The following TBC1D9 variants were observed in gnomAD, a reference collection of about 807,000 sequenced individuals.
TBC1D9 encodes the protein TBC1 domain family member 9.
In TBC1D9, 63 loss-of-function variants were observed where a neutral mutation model predicts 132.0. The observed-to-expected ratio is 0.48, with a 90% CI of 0.39 to 0.59. TBC1D9 has a LOEUF of 0.59. TBC1D9 is among the 20% of genes least tolerant of loss of function. The pLI, the probability that TBC1D9 is intolerant of heterozygous loss-of-function variation, is 0.00. For missense variants in TBC1D9, 1,261 were observed against 1,592.7 expected, an observed-to-expected ratio of 0.79 and a Z score of 3.54; for synonymous variants, 610 against 609.9, an observed-to-expected ratio of 1.00 and a Z score of 0.00.
chr4:140,738,357 A>AC (rs1461914368), intron 1 of TBC1D9, among the ~76,000 whole-genome samples: 6 of 151,492 alleles, frequency 4.0e-5, no homozygotes, highest in South Asian at 4.2e-4. Context: ...TGCATAATTG[A>AC]CCCCCCCTTT....
intron 16 of TBC1D9, among the ~76,000 whole-genome samples, chr4:140,632,019 C>T (rs1736802548): frequency 1.3e-5 from 2 of 152,184 alleles, no homozygotes; most frequent in Non-Finnish European, 2.9e-5. Context: ...AGAGTTCTCC[C>T]ACTAATCTGG....
intron 1 of TBC1D9, among the ~76,000 whole-genome samples, chr4:140,746,341 T>C (rs1161514612): frequency 6.6e-6 from 1 of 152,212 alleles, no homozygotes; most frequent in Non-Finnish European, 1.5e-5. Flanking sequence ...TACGTTCTAA[T>C]TCACCTGAGA....
intron 3 of TBC1D9, among the ~76,000 whole-genome samples, chr4:140,684,402 T>G (rs965132045): frequency 6.6e-6 from 1 of 152,290 alleles, no homozygotes; most frequent in East Asian, 1.9e-4. Context: ...GTTCCCTTGA[T>G]TATTGGACAA....
intron 1 of TBC1D9, among the ~76,000 whole-genome samples, chr4:140,717,412 C>T (rs1481024026): frequency 1.3e-5 from 2 of 152,220 alleles, no homozygotes; most frequent in Admixed American, 1.3e-4. Flanking sequence ...ATAACTATGA[C>T]ATAAATGATT....
intron 13 of TBC1D9, chr4:140,642,586 G>A: frequency 2.2e-6 from 2 of 924,156 alleles, no homozygotes; most frequent in Admixed American, 2.1e-5. Flanking sequence ...GCTCCTGGTC[G>A]CTGTCCATCT....
At chr4:140,709,115 C>CT (rs1738190397) in intron 1 of TBC1D9, among the ~76,000 whole-genome samples, 1 of 151,924 alleles carries the variant, frequency 6.6e-6, no homozygotes, top group Admixed American at 6.6e-5. Flanking sequence ...CAACTCTTTC[C>CT]TCTCAATTTC....
chr4:140,724,171 T>G (rs886878917), intron 1 of TBC1D9, among the ~76,000 whole-genome samples: 1 of 152,228 alleles, frequency 6.6e-6, no homozygotes, highest in African/African-American at 2.4e-5. Context: ...CAGGCCTGAT[T>G]AATGCAAGGC....
At position 140,622,668 on chromosome 4, in the gene TBC1D9, C is replaced by G. The variant is rs1736637185; in HGVS notation, c.3328G>C (p.Val1110Leu). ...GPGQPYVVES[V>L]EPLPASLAPD... is the part of the protein sequence containing the mutation. ...GCCAGGCTGGCCGGCAGGGGCTCAACAGACTCCACCACGTAAGGCTGGCCT... is the reference window on the plus strand; with the variant it reads ...GCCAGGCTGGCCGGCAGGGGCTCAAGAGACTCCACCACGTAAGGCTGGCCT... The change falls in exon 21 of 21, where the codon GTT (valine) becomes CTT (leucine). Residue 1110 changes from valine to leucine, a missense_variant. By Grantham distance (32) the Val-to-Leu change is conservative (BLOSUM62 1). Transcript: ENST00000442267. 1 of 1,610,370 alleles carries G rather than the reference C, an allele frequency of 6.2e-7. No individual in the cohort carries two copies. Among genetic ancestry groups the G allele is most frequent in the Non-Finnish European group, 8.5e-7 (1 of 1,178,200 alleles).
chr4:140,737,597 T>C (rs900958893), intron 1 of TBC1D9, among the ~76,000 whole-genome samples: 1 of 152,106 alleles, frequency 6.6e-6, no homozygotes, highest in Admixed American at 6.6e-5. Context: ...AGCACTAACA[T>C]GTTTATCATT....
intron 3 of TBC1D9, among the ~76,000 whole-genome samples, chr4:140,682,540 T>C (rs1298281029): frequency 6.6e-6 from 1 of 152,208 alleles, no homozygotes; most frequent in Non-Finnish European, 1.5e-5. Context: ...ACCTGTGGCC[T>C]ATGTGACATT....
At chr4:140,666,209 C>T (rs1737441440) in intron 9 of TBC1D9, among the ~76,000 whole-genome samples, 6 of 152,150 alleles carry the variant, frequency 3.9e-5, no homozygotes, top group Admixed American at 3.9e-4. Context: ...GTCACAAAAA[C>T]CTACATATTG....
intron 13 of TBC1D9, among the ~76,000 whole-genome samples, chr4:140,655,291 T>C (rs1350643763): frequency 6.6e-6 from 1 of 152,218 alleles, no homozygotes; most frequent in Non-Finnish European, 1.5e-5. Context: ...ATGAAGATTT[T>C]AAAAAATAAT....
intron 3 of TBC1D9, among the ~76,000 whole-genome samples, chr4:140,682,247 G>GCAAT (rs1390736885): frequency 1.3e-5 from 2 of 152,122 alleles, no homozygotes; most frequent in African/African-American, 4.8e-5. Context: ...AATAGAAGTA[G>GCAAT]CAATGTGCTT....
At chr4:140,725,112 A>G (rs1738478304) in intron 1 of TBC1D9, among the ~76,000 whole-genome samples, 1 of 152,216 alleles carries the variant, frequency 6.6e-6, no homozygotes, top group African/African-American at 2.4e-5. Flanking sequence ...GTACACGGCT[A>G]TTTATTGCAA....
At position 140,688,608 on chromosome 4, in the gene TBC1D9, G is replaced by A. The variant is rs143771501; in HGVS notation, c.242-2146C>T. On this transcript the variant is annotated intron_variant, in intron 2 of 20. Transcript: ENST00000442267. ...AGCTCGAACCCAAGAGTTTGAGGCC[G>A]CAGTGAGCCATGATGGTGCCACTGC... Among the ~76,000 whole-genome samples, 685 of 152,258 alleles carry A rather than the reference G, an allele frequency of 4.5e-3. 3 individuals are homozygous for A. Among genetic ancestry groups the A allele is most frequent in the African/African-American group, 0.015 (624 of 41,546 alleles).
In TBC1D9 at chr4:140,637,007, G is replaced by A. The variant is rs1473529005; in HGVS notation, c.2505+2079C>T. Among the ~76,000 whole-genome samples the A allele has an allele frequency of 5.3e-5, 8 of 152,092 alleles. No individual in the cohort carries two copies. In the South Asian group the frequency reaches 1.2e-3, roughly 24 times the overall value. ...CATATTCTCAGGGTTCAAATGACAC[G>A]GCTGTTATCTGAAGGTACACAGACC... On this transcript the variant is annotated intron_variant, in intron 15 of 20. Coordinates refer to ENST00000442267, the MANE Select transcript of TBC1D9 (RefSeq NM_015130.3).
chr4:140,676,470 T>C (rs1334586941), intron 6 of TBC1D9, among the ~76,000 whole-genome samples: 1 of 152,124 alleles, frequency 6.6e-6, no homozygotes, highest in Admixed American at 6.5e-5. Flanking sequence ...CTGCCCAACA[T>C]GGTGAAACTC....
chr4:140,622,136 A>G lies in TBC1D9; in HGVS notation c.*59T>C, dbSNP rs893571596. On this transcript the variant is annotated 3_prime_UTR_variant, in exon 21 of 21. Coordinates refer to ENST00000442267, the MANE Select transcript of TBC1D9 (RefSeq NM_015130.3). Reference sequence around the variant, plus strand: ...GAAAGAAAGAAAAAACTCAACACAGAAGAACATAAAAAATCCCTCCCCTCC... The same window carrying G: ...GAAAGAAAGAAAAAACTCAACACAGGAGAACATAAAAAATCCCTCCCCTCC... 2.0e-6 allele frequency: 3 copies of G among 1,506,452 alleles called. No homozygotes were observed. In the African/African-American group the frequency reaches 4.2e-5, roughly 21 times the overall value. The allele number at this position is 1,506,452 out of a possible 1,614,324, so 93.3% of individuals were successfully genotyped here.
At chr4:140,680,879 A>T (rs918971241) in intron 3 of TBC1D9, among the ~76,000 whole-genome samples, 2 of 152,180 alleles carry the variant, frequency 1.3e-5, no homozygotes, top group African/African-American at 4.8e-5. Context: ...AATGGATTTG[A>T]CCACAAAATT....
Sources: gnomAD v4.1 joint callset for allele counts (sites outside exome capture counted in the v4.1 genomes callset) on GRCh38, gnomAD v4.1.1 for gene constraint, MANE v1.5 for transcripts, NCBI Gene and HGNC (gene_info 2026-07-23, HGNC 2026-07-21) for gene names.